The following CCDC91 variants were observed in gnomAD, a reference collection of about 807,000 sequenced individuals.
The protein encoded by CCDC91 is coiled-coil domain-containing protein 91.
Under a neutral mutation model 63.2 loss-of-function variants are expected in CCDC91, and 48 were observed. The ratio of observed to expected loss-of-function variants is 0.76; its 90% CI spans 0.60 to 0.97. The LOEUF (loss-of-function observed/expected upper bound fraction) is 0.97, where lower values mean the gene tolerates loss of function less well. Ranked by LOEUF, CCDC91 falls within the 50% of genes least tolerant of loss-of-function variation. CCDC91 has a pLI of 0.00. For missense variants in CCDC91, 500 were observed against 494.6 expected (o/e 1.01, Z -0.10); for synonymous variants, 167 against 165.8 (o/e 1.01, Z -0.06).
chr12:28,211,208 A>T (rs1379942431), intron 1 of CCDC91, among the ~76,000 whole-genome samples: 2 of 151,850 alleles, frequency 1.3e-5, no homozygotes, highest in South Asian at 2.1e-4. Flanking sequence ...GTTTGAACAG[A>T]GAAAAAGAGG....
At chr12:28,255,873 G>T (rs1946411393) in intron 1 of CCDC91, 1 of 151,952 alleles carries the variant, frequency 6.6e-6, no homozygotes, top group Non-Finnish European at 1.5e-5. Flanking sequence ...CTTTTTGAAG[G>T]TGTTAGCACT....
intron 8 of CCDC91, among the ~76,000 whole-genome samples, chr12:28,398,732 C>T (rs1426916062): frequency 6.6e-6 from 1 of 152,150 alleles, no homozygotes; most frequent in African/African-American, 2.4e-5. Context: ...GGTATTTCAT[C>T]TCATTGCACT....
intron 11 of CCDC91, among the ~76,000 whole-genome samples, chr12:28,465,023 GC>G (rs1429385307): frequency 6.6e-6 from 1 of 152,154 alleles, no homozygotes; most frequent in African/African-American, 2.4e-5. Flanking sequence ...GAGCCCTTGG[GC>G]CTTAAGGGCT....
At chr12:28,323,801 G>A (rs1381225628) in intron 6 of CCDC91, among the ~76,000 whole-genome samples, 1 of 151,886 alleles carries the variant, frequency 6.6e-6, no homozygotes, top group Non-Finnish European at 1.5e-5. Flanking sequence ...TATAGACGGA[G>A]TGGCATATGC....
At chr12:28,287,218 C>T (rs1452408963) in intron 3 of CCDC91, among the ~76,000 whole-genome samples, 1 of 152,040 alleles carries the variant, frequency 6.6e-6, no homozygotes, top group Non-Finnish European at 1.5e-5. Flanking sequence ...TTAATTAGAT[C>T]CCATTTGCCA....
intron 8 of CCDC91, among the ~76,000 whole-genome samples, chr12:28,415,500 G>T (rs1310521770): frequency 1.3e-5 from 2 of 152,018 alleles, no homozygotes; most frequent in African/African-American, 2.4e-5. Context: ...GATTACAGGC[G>T]TGAGCCACTG....
At chr12:28,531,772 C>A (rs1941754307) in intron 12 of CCDC91, among the ~76,000 whole-genome samples, 1 of 152,142 alleles carries the variant, frequency 6.6e-6, no homozygotes, top group African/African-American at 2.4e-5. Flanking sequence ...TAGTCAGCTG[C>A]ACCATGTGCC....
At chr12:28,225,585 G>A (rs1944217894) in intron 1 of CCDC91, among the ~76,000 whole-genome samples, 1 of 151,926 alleles carries the variant, frequency 6.6e-6, no homozygotes, top group Non-Finnish European at 1.5e-5. Flanking sequence ...GGAGTAGAGT[G>A]GCTTGGATTA....
At chr12:28,516,786 CT>C (rs1348201388) in intron 12 of CCDC91, among the ~76,000 whole-genome samples, 1 of 151,866 alleles carries the variant, frequency 6.6e-6, no homozygotes, top group African/African-American at 2.4e-5. Context: ...AGGAACCCCC[CT>C]GACATGTCAA....
intron 1 of CCDC91, chr12:28,225,812 A>T (rs1417715680): frequency 6.6e-6 from 1 of 152,168 alleles, no homozygotes; most frequent in Admixed American, 6.6e-5. Context: ...ACCCTCCTTT[A>T]TGTGACTCAG....
At chr12:28,306,420 G>C (rs1301814807) in intron 4 of CCDC91, among the ~76,000 whole-genome samples, 1 of 151,972 alleles carries the variant, frequency 6.6e-6, no homozygotes, top group Non-Finnish European at 1.5e-5. Flanking sequence ...GTAAATTTAA[G>C]AACTGTTAAC....
At chr12:28,379,742 G>A (rs1945173749) in intron 7 of CCDC91, among the ~76,000 whole-genome samples, 1 of 152,310 alleles carries the variant, frequency 6.6e-6, no homozygotes, top group African/African-American at 2.4e-5. Context: ...GGAAGACAGT[G>A]TGGTGATTCC....
chr12:28,446,451 A>G (rs1266290990), intron 8 of CCDC91, among the ~76,000 whole-genome samples: 2 of 152,192 alleles, frequency 1.3e-5, no homozygotes, highest in African/African-American at 4.8e-5. Flanking sequence ...AAGGAAACAG[A>G]GACAGTTTAG....
intron 8 of CCDC91, among the ~76,000 whole-genome samples, chr12:28,420,745 G>T (rs867774647): frequency 6.0e-5 from 9 of 149,342 alleles, no homozygotes; most frequent in Middle Eastern, 7.1e-3. Flanking sequence ...TGTTGCAGGT[G>T]TGCATTTTAT....
intron 12 of CCDC91, among the ~76,000 whole-genome samples, chr12:28,513,839 C>G (rs1437660831): frequency 6.6e-6 from 1 of 151,900 alleles, no homozygotes; most frequent in Non-Finnish European, 1.5e-5. Context: ...ATATGTACCA[C>G]ATTTTCTTTA....
chr12:28,412,726 C>T (rs1284578325), intron 8 of CCDC91: 2 of 453,424 alleles, frequency 4.4e-6, no homozygotes, highest in South Asian at 3.1e-5. Flanking sequence ...TTATTGTCCC[C>T]TCCCATGTTC....
At chr12:28,305,128 CTTAT>C (rs1938570118) in intron 3 of CCDC91, among the ~76,000 whole-genome samples, 1 of 152,062 alleles carries the variant, frequency 6.6e-6, no homozygotes, top group African/African-American at 2.4e-5. Context: ...TTTCCCCTTA[CTTAT>C]TTTATTGTAA....
chr12:28,282,141 C>T (rs966007541), intron 3 of CCDC91, among the ~76,000 whole-genome samples: 2 of 152,120 alleles, frequency 1.3e-5, no homozygotes, highest in Non-Finnish European at 1.5e-5. Flanking sequence ...TACAGCCTCA[C>T]GTACTACCGT....
At chr12:28,274,350 T>G (rs1257264680) in intron 3 of CCDC91, among the ~76,000 whole-genome samples, 1 of 152,164 alleles carries the variant, frequency 6.6e-6, no homozygotes, top group Non-Finnish European at 1.5e-5. Flanking sequence ...ACATGAACTT[T>G]AAAGTAGTTT....
Sources: gnomAD v4.1 joint callset for allele counts (sites outside exome capture counted in the v4.1 genomes callset) on GRCh38, gnomAD v4.1.1 for gene constraint, MANE v1.5 for transcripts, NCBI Gene and HGNC (gene_info 2026-07-23, HGNC 2026-07-21) for gene names.